ACP3: variants seen among roughly 807,000 people sequenced by gnomAD.
The protein encoded by ACP3 is prostatic acid phosphatase.
A neutral mutation model predicts 45.6 loss-of-function variants in ACP3; 38 were observed. That is an observed-to-expected ratio of 0.83 (90% CI 0.64 to 1.09). The LOEUF is 1.09. ACP3 is among the 50% of genes least tolerant of loss of function. The pLI is 0.00. For synonymous variants in ACP3, 162 were observed against 164.7 expected (o/e 0.98, Z 0.13); for missense variants, 466 against 463.2 (o/e 1.01, Z -0.05).
chr3:132,326,534 C>T (rs1283146192), intron 1 of ACP3, among the ~76,000 whole-genome samples: 3 of 152,136 alleles, frequency 2.0e-5, no homozygotes, highest in African/African-American at 4.8e-5. Flanking sequence ...CCAAAATGAT[C>T]GCTTAACATT....
At chr3:132,335,825 G>C (rs1398473744) in intron 4 of ACP3, among the ~76,000 whole-genome samples, 2 of 152,200 alleles carry the variant, frequency 1.3e-5, no homozygotes, top group Non-Finnish European at 2.9e-5. Flanking sequence ...GCAGTTCCTA[G>C]AGGCCAACTC....
intron 2 of ACP3, among the ~76,000 whole-genome samples, chr3:132,331,356 T>A (rs1388882940): frequency 6.6e-6 from 1 of 152,216 alleles, no homozygotes. Flanking sequence ...GATGAACCAT[T>A]TACTTAAATC....
At chr3:132,347,609 A>T (rs984741773) in intron 7 of ACP3, among the ~76,000 whole-genome samples, 2 of 151,786 alleles carry the variant, frequency 1.3e-5, no homozygotes, top group Non-Finnish European at 2.9e-5. Flanking sequence ...ACTCCCAAGT[A>T]GCTGGGACTA....
intron 9 of ACP3, 88 bp from the exon 10 acceptor site, chr3:132,356,598 G>A: frequency 3.8e-6 from 6 of 1,597,584 alleles, no homozygotes; most frequent in Non-Finnish European, 5.1e-6. Context: ...CCCTCAACTG[G>A]CATGTAATAG....
In ACP3 at chr3:132,358,698, C is replaced by G; in HGVS notation, c.*1820C>G. On this transcript the variant is annotated 3_prime_UTR_variant, in exon 10 of 10. Coordinates refer to ENST00000336375, the MANE Select transcript of ACP3 (RefSeq NM_001099.5). ...TTGGGTCCATTTTCTATGCTTGTAA[C>G]TGTCTTCTAGCAGTGAGCCAAATGT... The G allele has an allele frequency of 2.0e-6, 2 of 1,020,446 alleles. No individual in the cohort carries two copies. The highest frequency in any genetic ancestry group is 2.4e-6 in the Non-Finnish European group (2 of 848,360). 63.2% of individuals were successfully genotyped at this position (1,020,446 alleles called of 1,614,324 possible). A position where few individuals can be genotyped will look rare whatever the true frequency, so the allele number is the denominator to read the frequency against.
intron 4 of ACP3, 37 bp from the exon 5 acceptor site, chr3:132,337,419 A>C: frequency 7.2e-7 from 1 of 1,382,338 alleles, no homozygotes; most frequent in Non-Finnish European, 1.0e-6. Flanking sequence ...AGTTTTTCTG[A>C]CTCATAACAG....
chr3:132,359,439 C>T (rs1203789894), downstream of ACP3, among the ~76,000 whole-genome samples: 4 of 152,036 alleles, frequency 2.6e-5, no homozygotes, highest in East Asian at 1.9e-4. Context: ...ACCCGGGAAG[C>T]GGAACTTGCA....
chr3:132,356,032 A>G (rs1285414776), intron 9 of ACP3, among the ~76,000 whole-genome samples: 1 of 152,208 alleles, frequency 6.6e-6, no homozygotes, highest in Non-Finnish European at 1.5e-5. Context: ...GTTAGTTTAC[A>G]CCATTGGACC....
At chr3:132,324,008 G>A (rs1318887079) in intron 1 of ACP3, among the ~76,000 whole-genome samples, 7 of 151,976 alleles carry the variant, frequency 4.6e-5, no homozygotes, top group African/African-American at 7.2e-5. Context: ...ACCTGAGGTC[G>A]GGAGTTCGAG....
intron 1 of ACP3, among the ~76,000 whole-genome samples, chr3:132,322,144 A>G (rs1388164696): frequency 6.6e-6 from 1 of 152,218 alleles, no homozygotes; most frequent in Non-Finnish European, 1.5e-5. Context: ...CCCAGGTCTA[A>G]CCAACTGAAA....
chr3:132,340,218 G>A (rs1017070757), intron 5 of ACP3, among the ~76,000 whole-genome samples: 7 of 151,752 alleles, frequency 4.6e-5, no homozygotes, highest in African/African-American at 1.7e-4. Context: ...AGGAGGCTGA[G>A]GCAAGAGAAT....
Position 132,334,068 on chromosome 3 carries a change from T to C in ACP3, c.456+1724T>C, listed in dbSNP as rs561519745. Among the ~76,000 whole-genome samples, 6 of 152,120 alleles carry C rather than the reference T, an allele frequency of 3.9e-5. No individual in the cohort carries two copies. The East Asian group carries it at 9.7e-4, about 25-fold the overall frequency. ...CTTGGGCAACAAGAGCGAAATTCCG[T>C]CTCAAAAATAAATAAAAAACAAAAC... On this transcript the variant is annotated intron_variant, in intron 4 of 9. Transcript: ENST00000336375.
downstream of ACP3, among the ~76,000 whole-genome samples, chr3:132,362,185 T>C (rs1038922057): frequency 1.6e-4 from 24 of 152,202 alleles, no homozygotes; most frequent in Non-Finnish European, 2.6e-4. Context: ...TCTTTCATTG[T>C]GAAGCAGCTA....
chr3:132,329,735 G>A (rs1937364964), intron 2 of ACP3, among the ~76,000 whole-genome samples: 1 of 152,032 alleles, frequency 6.6e-6, no homozygotes, highest in South Asian at 2.1e-4. Context: ...AAGCTTCCAT[G>A]TGCAAATGAA....
chr3:132,321,483 T>G (rs954645848), intron 1 of ACP3, among the ~76,000 whole-genome samples: 1 of 152,062 alleles, frequency 6.6e-6, no homozygotes, highest in Non-Finnish European at 1.5e-5. Context: ...GACCACAGGT[T>G]TTTCAAAGAC....
At position 132,331,572 on chromosome 3, in the gene ACP3, AT is replaced by A. The variant is rs1937398643; in HGVS notation, c.217-74del. 6 of 1,208,730 alleles carry A rather than the reference AT, an allele frequency of 5.0e-6. No homozygotes were observed. The South Asian group carries it at 7.3e-5, about 15-fold the overall frequency. 74.9% of individuals were successfully genotyped at this position (1,208,730 alleles called of 1,614,324 possible). A position where few individuals can be genotyped will look rare whatever the true frequency, so the allele number is the denominator to read the frequency against. On this transcript the variant is annotated intron_variant, in intron 2 of 9. Coordinates refer to ENST00000336375, the MANE Select transcript of ACP3 (RefSeq NM_001099.5). ...TTCTACACACATAATGAAAAAAAAA[AT>A]CAACAAATTTTTATGATAGTGTGAT... is the stretch of plus-strand genomic sequence containing the variant.
At chr3:132,340,231 C>G (rs1937537538) in intron 5 of ACP3, among the ~76,000 whole-genome samples, 1 of 151,268 alleles carries the variant, frequency 6.6e-6, no homozygotes, top group Non-Finnish European at 1.5e-5. Flanking sequence ...AAGAGAATCA[C>G]TTGAACCCAG....
chr3:132,324,633 A>T (rs115129107), intron 1 of ACP3, among the ~76,000 whole-genome samples: 8,007 of 150,698 alleles, frequency 0.053, 276 homozygotes, highest in Middle Eastern at 0.16. Context: ...AGGAATTATT[A>T]TTTTTTTTTA....
At chr3:132,322,059 GAGGC>G (rs1345080324) in intron 1 of ACP3, among the ~76,000 whole-genome samples, 1 of 152,164 alleles carries the variant, frequency 6.6e-6, no homozygotes, top group Admixed American at 6.5e-5. Context: ...AAGGGAAATT[GAGGC>G]ATGCAGAATG....
Sources: allele counts gnomAD v4.1 joint callset (sites outside exome capture counted in the v4.1 genomes callset), GRCh38; gene constraint gnomAD v4.1.1; transcripts MANE v1.5; gene names NCBI Gene and HGNC (gene_info 2026-07-23, HGNC 2026-07-21).